The following RBFOX1 variants were observed in gnomAD, a reference collection of about 807,000 sequenced individuals.
RBFOX1 encodes RNA binding protein fox-1 homolog 1.
RBFOX1 carries 8 observed loss-of-function variants against 57.7 expected under a neutral mutation model. That is an observed-to-expected ratio of 0.14 (90% CI 0.08 to 0.25). The LOEUF is 0.25. Ranked by LOEUF, RBFOX1 falls within the 10% of genes least tolerant of loss-of-function variation. The probability of loss-of-function intolerance (pLI) is 1.00; values close to 1 mark genes in which losing one functional copy is unlikely to be tolerated. For missense variants in RBFOX1, 611 were observed against 548.5 expected (o/e 1.11, Z -1.14); for synonymous variants, 326 against 222.4 (o/e 1.47, Z -4.15).
intron 4 of RBFOX1, among the ~76,000 whole-genome samples, chr16:5,895,111 A>C (rs1307791686): frequency 6.6e-6 from 1 of 152,204 alleles, no homozygotes; most frequent in Non-Finnish European, 1.5e-5. Context: ...TCCACATTTA[A>C]GGGGTATTTT....
At chr16:7,191,267 G>C (rs563833244) in intron 4 of RBFOX1, among the ~76,000 whole-genome samples, 1 of 151,598 alleles carries the variant, frequency 6.6e-6, no homozygotes, top group Non-Finnish European at 1.5e-5. Context: ...AGTAATTCCA[G>C]TCATGGCACA....
chr16:7,046,242 G>GTA (rs2047895975), intron 3 of RBFOX1, among the ~76,000 whole-genome samples: 1 of 144,602 alleles, frequency 6.9e-6, no homozygotes, highest in African/African-American at 2.8e-5. Flanking sequence ...AAAGGGGTGT[G>GTA]TGTGTGTGTG....
chr16:6,512,963 G>A lies in RBFOX1; in HGVS notation c.-63-141640G>A, dbSNP rs528613207. 4.6e-5 allele frequency among the ~76,000 whole-genome samples: 7 copies of A among 152,244 alleles called. No homozygotes were observed. The South Asian group carries it at 1.5e-3, about 32-fold the overall frequency. On this transcript the variant is annotated intron_variant, in intron 2 of 15. Transcript: ENST00000550418. ...TACACATGAAGTTTTGTATTGGGAT[G>A]GAAAGGAGAAGCAGAATAATTTTGT...
chr16:7,399,330 G>A (rs562483301), intron 4 of RBFOX1, among the ~76,000 whole-genome samples: 30 of 152,202 alleles, frequency 2.0e-4, no homozygotes, highest in Non-Finnish European at 3.4e-4. Flanking sequence ...GCCTGTAATC[G>A]CAGCTACGTG....
At chr16:5,525,660 G>A (rs1046291982) in intron 2 of RBFOX1, among the ~76,000 whole-genome samples, 3 of 151,938 alleles carry the variant, frequency 2.0e-5, no homozygotes, top group African/African-American at 7.3e-5. Flanking sequence ...ACCAAGCCCT[G>A]TTAATTTTTG....
chr16:6,655,579 G>C (rs1342082861), intron 3 of RBFOX1, among the ~76,000 whole-genome samples: 2 of 152,014 alleles, frequency 1.3e-5, no homozygotes, highest in African/African-American at 4.8e-5. Flanking sequence ...GCAACCGTTA[G>C]ACAATTGTTT....
At chr16:5,241,223 C>G (rs547529551) in intron 1 of RBFOX1, among the ~76,000 whole-genome samples, 28 of 152,302 alleles carry the variant, frequency 1.8e-4, no homozygotes, top group African/African-American at 6.7e-4. Context: ...TGGTGACATC[C>G]TCATCTCCCC....
At chr16:6,115,737 A>G (rs1179671091) in intron 1 of RBFOX1, among the ~76,000 whole-genome samples, 1 of 152,162 alleles carries the variant, frequency 6.6e-6, no homozygotes. Context: ...TTATTTACCA[A>G]GCTACACAGT....
chr16:7,077,007 A>C (rs551790803), intron 4 of RBFOX1, among the ~76,000 whole-genome samples: 52 of 152,210 alleles, frequency 3.4e-4, no homozygotes, highest in Non-Finnish European at 5.9e-4. Context: ...GAGGTGGGCA[A>C]AGACATCCAT....
intron 3 of RBFOX1, among the ~76,000 whole-genome samples, chr16:5,631,247 A>G (rs564756759): frequency 1.1e-4 from 17 of 152,278 alleles, no homozygotes; most frequent in African/African-American, 3.6e-4. Flanking sequence ...GCTCTCTCCA[A>G]TCCTCATGCA....
At chr16:6,736,239 T>G (rs1204953667) in intron 3 of RBFOX1, among the ~76,000 whole-genome samples, 3 of 152,104 alleles carry the variant, frequency 2.0e-5, no homozygotes, top group Admixed American at 6.6e-5. Context: ...CACGAGTAAG[T>G]TCTTTAGTGG....
At chr16:7,090,646 T>C (rs1272673234) in intron 4 of RBFOX1, among the ~76,000 whole-genome samples, 1 of 152,144 alleles carries the variant, frequency 6.6e-6, no homozygotes, top group Non-Finnish European at 1.5e-5. Flanking sequence ...CGTTGTATTT[T>C]ATTTTCCCTG....
At chr16:6,885,389 T>A (rs1377912387) in intron 3 of RBFOX1, among the ~76,000 whole-genome samples, 1 of 152,126 alleles carries the variant, frequency 6.6e-6, no homozygotes. Context: ...TGCTCATGAG[T>A]CAAAACCAAG....
chr16:7,038,595 C>G (rs564939447), intron 3 of RBFOX1, among the ~76,000 whole-genome samples: 1 of 152,136 alleles, frequency 6.6e-6, no homozygotes, highest in African/African-American at 2.4e-5. Flanking sequence ...TGTGTCAGAC[C>G]AGCCAGGCTC....
At chr16:5,556,132 TGAG>T (rs1271334593) in intron 2 of RBFOX1, among the ~76,000 whole-genome samples, 1 of 152,242 alleles carries the variant, frequency 6.6e-6, no homozygotes, top group East Asian at 1.9e-4. Flanking sequence ...GAATTTATAT[TGAG>T]GAAATATGAA....
intron 4 of RBFOX1, among the ~76,000 whole-genome samples, chr16:7,287,399 G>A (rs1181830021): frequency 6.6e-6 from 1 of 152,062 alleles, no homozygotes; most frequent in Non-Finnish European, 1.5e-5. Context: ...CTATGCCAGG[G>A]TGCTCTCTTT....
At chr16:6,542,365 G>T (rs915812707) in intron 2 of RBFOX1, among the ~76,000 whole-genome samples, 2 of 151,982 alleles carry the variant, frequency 1.3e-5, no homozygotes, top group African/African-American at 4.8e-5. Context: ...CAGGGGTGAG[G>T]CAGGTGTACT....
intron 3 of RBFOX1, among the ~76,000 whole-genome samples, chr16:5,683,646 C>G (rs1489984759): frequency 1.3e-5 from 2 of 151,942 alleles, no homozygotes; most frequent in African/African-American, 4.8e-5. Context: ...AGTTCTGGGA[C>G]TTGGACTGTC....
chr16:5,807,280 T>G (rs1329841636), intron 3 of RBFOX1, among the ~76,000 whole-genome samples: 2 of 152,166 alleles, frequency 1.3e-5, no homozygotes, highest in African/African-American at 4.8e-5. Context: ...AATTGCATCT[T>G]CTTGTATCCT....
Sources: allele counts gnomAD v4.1 joint callset (sites outside exome capture counted in the v4.1 genomes callset), GRCh38; gene constraint gnomAD v4.1.1; transcripts MANE v1.5; gene names NCBI Gene and HGNC (gene_info 2026-07-23, HGNC 2026-07-21).